Variants in WDFY4 observed in about 807,000 individuals in gnomAD.
The protein encoded by WDFY4 is WDFY family member 4, also known as WD repeat- and FYVE domain-containing protein 4.
WDFY4 carries 169 observed loss-of-function variants against 351.9 expected under a neutral mutation model. That is an observed-to-expected ratio of 0.48 (90% CI 0.42 to 0.55). The LOEUF (loss-of-function observed/expected upper bound fraction) is 0.55. Among genes scored for constraint, WDFY4 ranks in the 20% least tolerant of loss-of-function variants. The pLI is 0.00. For missense variants in WDFY4, 3,803 were observed against 3,935.6 expected (o/e 0.97, Z 0.90); for synonymous variants, 1,622 against 1,574.6 (o/e 1.03, Z -0.71).
At chr10:48,900,338 A>G in intron 46 of WDFY4, 32 bp downstream of exon 46, 4 of 1,527,320 alleles carry the variant, frequency 2.6e-6, no homozygotes, top group Non-Finnish European at 3.6e-6. Flanking sequence ...TTCTGAGGAA[A>G]CTGATCCTGA....
Position 48,709,797 on chromosome 10 carries a change from G to T in WDFY4, c.65G>T (p.Gly22Val). ...RNEDPGSKNE[G>V]QLAAVQPDVP... ...GAAGACCCAGGTTCCAAAAATGAAG[G>T]GCAGCTTGCTGCTGTGCAGCCTGAT... Residue 22 changes from glycine (G) to valine (V), a missense_variant, in exon 2 of 62, where the codon GGG becomes GTG. Gly to Val is a moderately radical substitution (Grantham distance 109). Transcript: ENST00000325239. The T allele has an allele frequency of 6.4e-7, 1 of 1,551,892 alleles. No homozygotes were observed. Among genetic ancestry groups the T allele is most frequent in the Non-Finnish European group, 8.7e-7 (1 of 1,147,034 alleles).
intron 39 of WDFY4, among the ~76,000 whole-genome samples, chr10:48,859,463 C>T (rs1242857608): frequency 6.6e-6 from 1 of 152,120 alleles, no homozygotes; most frequent in Non-Finnish European, 1.5e-5. Context: ...TCCTGTATCA[C>T]TTGATATGAC....
At chr10:48,703,222 C>A (rs960425362) in intron 1 of WDFY4, among the ~76,000 whole-genome samples, 3 of 152,084 alleles carry the variant, frequency 2.0e-5, no homozygotes, top group Non-Finnish European at 2.9e-5. Context: ...GAGGCCAAGA[C>A]TCTGCTGAAA....
chr10:48,746,139 A>G (rs1389914617), intron 12 of WDFY4: 1 of 153,024 alleles, frequency 6.5e-6, no homozygotes, highest in Non-Finnish European at 1.5e-5. Context: ...TACCTGCGGC[A>G]GCGGCCTGGG....
chr10:48,768,723 AAGAG>A (rs71026224), intron 13 of WDFY4, among the ~76,000 whole-genome samples: 1,512 of 140,990 alleles, frequency 0.011, 13 homozygotes, highest in African/African-American at 0.022. Context: ...GGGAGAGGAG[AAGAG>A]AGAGAGAGAG....
At position 48,807,107 on chromosome 10, in the gene WDFY4, C is replaced by T. The variant is rs187140370; in HGVS notation, c.4739-752C>T. Among the ~76,000 whole-genome samples the T allele has an allele frequency of 2.1e-4, 32 of 152,244 alleles. 1 individual carries two copies. In the East Asian group the frequency reaches 2.3e-3, roughly 11 times the overall value. On this transcript the variant is annotated intron_variant, in intron 27 of 61. Transcript: ENST00000325239. ...AAGATGGGACCAAAATCTGAATAGA[C>T]GGAAATATGACTCCATTTCCCCAGG...
chr10:48,922,688 G>A (rs1589900820), intron 47 of WDFY4, among the ~76,000 whole-genome samples: 1 of 152,246 alleles, frequency 6.6e-6, no homozygotes, highest in African/African-American at 2.4e-5. Context: ...GGGTAAGCGA[G>A]GACTGTGGTA....
rs752812919 is a variant in WDFY4 at position 48,790,815 on chromosome 10, G to A, written c.4155G>A (p.Ala1385=). ...TCCTCCTGGGCCTCATCTCCTTAGC[G>A]ACAGATGACCATACCATGTATGCGG... The part of the protein sequence containing the change: ...PAILLGLISL[A]TDDHTMYAAV... The change falls in exon 23 of 62, where the codon GCG becomes GCA. Residue 1385 remains alanine, a synonymous_variant. Coordinates refer to ENST00000325239, the MANE Select transcript of WDFY4 (RefSeq NM_001394531.1). The A allele has an allele frequency of 2.6e-6, 4 of 1,551,778 alleles. No homozygotes were observed. The highest frequency in any genetic ancestry group is 1.2e-5 in the South Asian group (1 of 84,056).
intron 12 of WDFY4, among the ~76,000 whole-genome samples, chr10:48,753,326 A>G (rs1473255114): frequency 6.6e-6 from 1 of 152,012 alleles, no homozygotes; most frequent in African/African-American, 2.4e-5. Context: ...TTCTCCTTTC[A>G]TTTTCTTAAT....
intron 13 of WDFY4, among the ~76,000 whole-genome samples, chr10:48,770,233 A>T (rs1212125220): frequency 6.6e-6 from 1 of 152,240 alleles, no homozygotes; most frequent in Non-Finnish European, 1.5e-5. Flanking sequence ...TGGCATCATT[A>T]GACAAGATCA....
At chr10:48,811,773 G>T in intron 30 of WDFY4, 65 bp downstream of exon 30, 1 of 1,497,940 alleles carries the variant, frequency 6.7e-7, no homozygotes. Context: ...ACTAAGGCAG[G>T]TCGCCAAGAC....
At chr10:48,948,146 T>A (rs1841145866) in intron 51 of WDFY4, among the ~76,000 whole-genome samples, 1 of 152,164 alleles carries the variant, frequency 6.6e-6, no homozygotes. Context: ...GGAGCAAACG[T>A]CCTCCTGTCT....
chr10:48,830,981 C>G, intron 38 of WDFY4, 96 bp downstream of exon 38: 1 of 1,213,990 alleles, frequency 8.2e-7, no homozygotes, highest in Non-Finnish European at 1.1e-6. Context: ...CCTTTTCCAC[C>G]TGGACCCTCT....
intron 47 of WDFY4, among the ~76,000 whole-genome samples, chr10:48,934,013 C>A (rs997955262): frequency 2.0e-5 from 3 of 152,162 alleles, no homozygotes; most frequent in Non-Finnish European, 4.4e-5. Flanking sequence ...GGGTGGACAG[C>A]AGCTGTCTCA....
chr10:48,871,557 C>T (rs12262698), intron 40 of WDFY4, among the ~76,000 whole-genome samples: 15,100 of 150,996 alleles, frequency 0.1, 929 homozygotes, highest in Middle Eastern at 0.21. Context: ...CCCACAGAAG[C>T]CTTGAACTCC....
chr10:48,921,287 A>G (rs936441634), intron 47 of WDFY4, among the ~76,000 whole-genome samples: 1 of 151,930 alleles, frequency 6.6e-6, no homozygotes, highest in East Asian at 1.9e-4. Context: ...GGAACAGAAA[A>G]TAGAGTCCAG....
At chr10:48,726,864 C>T (rs1431814238) in intron 6 of WDFY4, among the ~76,000 whole-genome samples, 2 of 152,186 alleles carry the variant, frequency 1.3e-5, no homozygotes, top group African/African-American at 4.8e-5. Context: ...AACAGTGACC[C>T]ATCCAAATGC....
At chr10:48,769,333 TAAAG>T (rs1589561035) in intron 13 of WDFY4, among the ~76,000 whole-genome samples, 1 of 152,218 alleles carries the variant, frequency 6.6e-6, no homozygotes, top group East Asian at 1.9e-4. Flanking sequence ...CATGCTCATA[TAAAG>T]AGAGACATAA....
chr10:48,935,731 G>T (rs1236352246), intron 47 of WDFY4, among the ~76,000 whole-genome samples: 1 of 152,122 alleles, frequency 6.6e-6, no homozygotes, highest in Non-Finnish European at 1.5e-5. Flanking sequence ...ATACAGCCCT[G>T]TAATCATATT....
Sources: gnomAD v4.1 joint callset for allele counts (sites outside exome capture counted in the v4.1 genomes callset) on GRCh38, gnomAD v4.1.1 for gene constraint, MANE v1.5 for transcripts, NCBI Gene and HGNC (gene_info 2026-07-23, HGNC 2026-07-21) for gene names.